Variants in ZC3H8 observed in about 807,000 individuals in gnomAD.
The protein encoded by ZC3H8 is zinc finger CCCH-type containing 8.
ZC3H8 carries 27 observed loss-of-function variants against 42.5 expected under a neutral mutation model. The ratio of observed to expected loss-of-function variants is 0.64; its 90% CI spans 0.47 to 0.88. The LOEUF (loss-of-function observed/expected upper bound fraction) is 0.88, where lower values mean the gene tolerates loss of function less well. ZC3H8 is among the 40% of genes least tolerant of loss of function. The pLI, the probability that ZC3H8 is intolerant of heterozygous loss-of-function variation, is 0.00. For missense variants in ZC3H8, 277 were observed against 336.1 expected (o/e 0.82, Z 1.37); for synonymous variants, 101 against 110.1 (o/e 0.92, Z 0.52).
chr2:112,233,499 TCTAA>T (rs1231241374), intron 5 of ZC3H8, 128 bp from the exon 6 acceptor site: 11 of 645,312 alleles, frequency 1.7e-5, no homozygotes, highest in South Asian at 7.5e-5. Flanking sequence ...GGTAGCACAT[TCTAA>T]CTGTTAATAA....
intron 2 of ZC3H8, among the ~76,000 whole-genome samples, chr2:112,245,791 G>A (rs762641664): frequency 1.3e-5 from 2 of 152,122 alleles, no homozygotes; most frequent in African/African-American, 2.4e-5. Context: ...GCCTTATGTT[G>A]GAAAAAGATG....
rs375246882 is a variant in ZC3H8 at position 112,228,859 on chromosome 2, C to T, written c.*15+2044G>A. ...TAATAAAGGATCTGTATCCAACATACGTAAAGAACTCCTAAAACTCAATAA... is the reference window on the plus strand; with the variant it reads ...TAATAAAGGATCTGTATCCAACATATGTAAAGAACTCCTAAAACTCAATAA... On this transcript the variant is annotated intron_variant, in intron 8 of 8. Transcript: ENST00000409573. Among the ~76,000 whole-genome samples, 5 of 151,146 alleles carry T rather than the reference C, an allele frequency of 3.3e-5. No homozygotes were observed. The East Asian group carries it at 7.7e-4, about 23-fold the overall frequency.
chr2:112,236,289 A>T (rs1009802423), intron 4 of ZC3H8, among the ~76,000 whole-genome samples: 2 of 152,146 alleles, frequency 1.3e-5, no homozygotes, highest in African/African-American at 4.8e-5. Context: ...AAAAAAAATC[A>T]AGGAGCTTGT....
rs375398776 is a variant in ZC3H8, at chr2:112,253,140, T to TA, written c.74+1767dup. 2.3e-3 allele frequency among the ~76,000 whole-genome samples: 345 copies of TA among 146,922 alleles called. 1 individual carries two copies. Among genetic ancestry groups the TA allele is most frequent in the Middle Eastern group, 0.017 (5 of 286 alleles). ...CAGAGCCAGACTCTGCTCAAAAAAATAAAAAAAAAACCCACAAAACTACTC... is the reference window on the plus strand; with the variant it reads ...CAGAGCCAGACTCTGCTCAAAAAAATAAAAAAAAAAACCCACAAAACTACTC... On this transcript the variant is annotated intron_variant, in intron 1 of 8. Coordinates refer to ENST00000409573, the MANE Select transcript of ZC3H8 (RefSeq NM_032494.3).
chr2:112,236,716 TAAAAAATGACATAAAG>T, intron 3 of ZC3H8, 21 bp from the exon 4 acceptor site: 1 of 1,575,858 alleles, frequency 6.3e-7, no homozygotes, highest in Non-Finnish European at 8.6e-7. Context: ...AAAATTAATT[TAAAAAATGACATAAAG>T]TTACAATAGC....
At position 112,214,481 on chromosome 2, in the gene ZC3H8, A is replaced by G. The variant is rs1360271732; in HGVS notation, c.*2003T>C. ...ATTTTTTAGACTATGGTTTTATTATATATATATTATATATGCTTGGAGCTG... is the reference window on the plus strand; with the variant it reads ...ATTTTTTAGACTATGGTTTTATTATGTATATATTATATATGCTTGGAGCTG... On this transcript the variant is annotated 3_prime_UTR_variant, in exon 9 of 9. Transcript: ENST00000409573. 1.3e-5 allele frequency: 2 copies of G among 152,020 alleles called. No homozygotes were observed. The highest frequency in any genetic ancestry group is 4.8e-5 in the African/African-American group (2 of 41,380). The allele number at this position is 152,020 out of a possible 1,614,324, so 9.4% of individuals were successfully genotyped here. A position where few individuals can be genotyped will look rare whatever the true frequency, so the allele number is the denominator to read the frequency against.
rs149178107 is a variant in ZC3H8 at position 112,230,584 on chromosome 2, C to T, written c.*15+319G>A. On this transcript the variant is annotated intron_variant, in intron 8 of 8. Coordinates refer to ENST00000409573, the MANE Select transcript of ZC3H8 (RefSeq NM_032494.3). ...AAAATAGCCACGTCATCAATTAATACAGAGAGTATGATACAGTCTGATAAA... is the reference window on the plus strand; with the variant it reads ...AAAATAGCCACGTCATCAATTAATATAGAGAGTATGATACAGTCTGATAAA... 1,229 of 157,124 alleles carry T rather than the reference C, an allele frequency of 7.8e-3. 19 individuals carry two copies. Among genetic ancestry groups the T allele is most frequent in the African/African-American group, 0.028 (1,177 of 41,578 alleles). 9.7% of individuals were successfully genotyped at this position (157,124 alleles called of 1,614,324 possible).
chr2:112,250,301 A>G, intron 1 of ZC3H8, 29 bp from the exon 2 acceptor site: 1 of 1,523,760 alleles, frequency 6.6e-7, no homozygotes, highest in Non-Finnish European at 8.9e-7. Context: ...ATAACACAAA[A>G]GAGTTTTTTC....
chr2:112,249,047 AAC>A (rs1281843409), intron 2 of ZC3H8, among the ~76,000 whole-genome samples: 3 of 152,134 alleles, frequency 2.0e-5, no homozygotes, highest in Non-Finnish European at 4.4e-5. Context: ...CTCTACAAAA[AAC>A]ACAAAAATTA....
At chr2:112,243,206 C>G (rs1414852571) in intron 2 of ZC3H8, among the ~76,000 whole-genome samples, 1 of 152,216 alleles carries the variant, frequency 6.6e-6, no homozygotes. Flanking sequence ...ATTTTGCACA[C>G]TCAAACAGTT....
At chr2:112,246,591 A>C (rs1456120187) in intron 2 of ZC3H8, among the ~76,000 whole-genome samples, 1 of 152,226 alleles carries the variant, frequency 6.6e-6, no homozygotes, top group Non-Finnish European at 1.5e-5. Flanking sequence ...GAGAACTAGA[A>C]TTAGAAGTGG....
intron 1 of ZC3H8, among the ~76,000 whole-genome samples, chr2:112,251,974 T>C (rs951697256): frequency 6.6e-6 from 1 of 152,208 alleles, no homozygotes; most frequent in African/African-American, 2.4e-5. Flanking sequence ...TACTTCTCAG[T>C]CTCCTTTGTT....
At position 112,233,283 on chromosome 2, in the gene ZC3H8, C is replaced by T; in HGVS notation, c.710G>A (p.Gly237Asp). Residue 237 changes from glycine to aspartate, a missense_variant, in exon 6 of 9, where the codon GGT (glycine) becomes GAT (aspartate). By Grantham distance (94) the Gly-to-Asp change is moderately conservative. Coordinates refer to ENST00000409573, the MANE Select transcript of ZC3H8 (RefSeq NM_032494.3). ...KFYVQGYCTR[G>D]ENCLYLHNEY... ...ATTATGCAAATACAGACAGTTTTCA[C>T]CTCTGGTACAATATCCTTGTACATA... 1.3e-6 allele frequency: 2 copies of T among 1,592,016 alleles called. No individual in the cohort carries two copies. Among genetic ancestry groups the T allele is most frequent in the South Asian group, 1.1e-5 (1 of 87,674 alleles).
At chr2:112,229,093 C>T (rs1309761591) in intron 8 of ZC3H8, among the ~76,000 whole-genome samples, 2 of 152,138 alleles carry the variant, frequency 1.3e-5, no homozygotes, top group African/African-American at 4.8e-5. Context: ...GAGAAAAAGA[C>T]AAATGGAGAA....
intron 2 of ZC3H8, chr2:112,240,590 G>A (rs1234180834): frequency 2.0e-5 from 3 of 152,090 alleles, no homozygotes; most frequent in Non-Finnish European, 2.9e-5. Flanking sequence ...CTCCTTTTAC[G>A]ACAAGTAATA....
intron 8 of ZC3H8, among the ~76,000 whole-genome samples, chr2:112,229,273 G>C (rs755458410): frequency 1.3e-5 from 2 of 152,140 alleles, no homozygotes; most frequent in Non-Finnish European, 2.9e-5. Flanking sequence ...ACAAAAATAA[G>C]AATGATATGA....
chr2:112,254,673 G>C (rs942179645), intron 1 of ZC3H8, among the ~76,000 whole-genome samples: 1 of 152,162 alleles, frequency 6.6e-6, no homozygotes, highest in Non-Finnish European at 1.5e-5. Flanking sequence ...CCAGGCTCTC[G>C]ACAGCCCCGG....
chr2:112,218,914 G>A (rs1684458368), intron 8 of ZC3H8, among the ~76,000 whole-genome samples: 1 of 152,136 alleles, frequency 6.6e-6, no homozygotes, highest in African/African-American at 2.4e-5. Context: ...TGAGACTTGT[G>A]TAACAGAAAC....
rs1685904340 is a variant in ZC3H8, at chr2:112,250,348, T to G, written c.75-76A>C. 1.5e-5 allele frequency: 15 copies of G among 1,000,796 alleles called. No individual in the cohort carries two copies. In the South Asian group the frequency reaches 3.1e-4, roughly 21 times the overall value. The allele number at this position is 1,000,796 out of a possible 1,614,324, so 62.0% of individuals were successfully genotyped here. On this transcript the variant is annotated intron_variant, in intron 1 of 8. Transcript: ENST00000409573. Reference sequence around the variant, plus strand: ...TTCATACCACAGCGTTACAATTCACTGCTTTGGCTTGTCTTCAACTTACCC... The same window carrying G: ...TTCATACCACAGCGTTACAATTCACGGCTTTGGCTTGTCTTCAACTTACCC...
Sources: gnomAD v4.1 joint callset for allele counts (sites outside exome capture counted in the v4.1 genomes callset) on GRCh38, gnomAD v4.1.1 for gene constraint, MANE v1.5 for transcripts, NCBI Gene and HGNC (gene_info 2026-07-23, HGNC 2026-07-21) for gene names.